Variants in ERBB4 observed in about 807,000 individuals in gnomAD.
The protein encoded by ERBB4 is erb-b2 receptor tyrosine kinase 4, also known as receptor tyrosine-protein kinase erbB-4.
A neutral mutation model predicts 158.0 loss-of-function variants in ERBB4; 42 were observed. The ratio of observed to expected loss-of-function variants is 0.27; its 90% CI spans 0.21 to 0.34. ERBB4 has a LOEUF of 0.34. Among genes scored for constraint, ERBB4 ranks in the 10% least tolerant of loss-of-function variants. ERBB4 has a pLI of 1.00. For synonymous variants in ERBB4, 583 were observed against 558.7 expected (o/e 1.04, Z -0.61); for missense variants, 1,333 against 1,624.1 (o/e 0.82, Z 3.08).
chr2:212,255,673 A>G (rs924727135), intron 1 of ERBB4, among the ~76,000 whole-genome samples: 9 of 152,130 alleles, frequency 5.9e-5, no homozygotes, highest in African/African-American at 2.2e-4. Context: ...AAGGTTTGAA[A>G]TCTGAAATGC....
At chr2:212,313,005 A>C (rs1451647352) in intron 1 of ERBB4, among the ~76,000 whole-genome samples, 1 of 150,938 alleles carries the variant, frequency 6.6e-6, no homozygotes, top group East Asian at 2.0e-4. Context: ...TTCAAAGTAC[A>C]GTGAATAATA....
intron 1 of ERBB4, among the ~76,000 whole-genome samples, chr2:212,478,303 G>A (rs950787482): frequency 2.0e-5 from 3 of 151,974 alleles, no homozygotes; most frequent in East Asian, 3.9e-4. Flanking sequence ...CATTTATAAC[G>A]GGGAGAATTC....
chr2:212,189,474 T>C (rs1320026953), intron 1 of ERBB4, among the ~76,000 whole-genome samples: 1 of 152,174 alleles, frequency 6.6e-6, no homozygotes, highest in Non-Finnish European at 1.5e-5. Context: ...CTCCAAAAAC[T>C]CTGATCCACC....
At chr2:212,184,572 G>A (rs538103246) in intron 1 of ERBB4, among the ~76,000 whole-genome samples, 15 of 151,992 alleles carry the variant, frequency 9.9e-5, no homozygotes, top group Non-Finnish European at 1.9e-4. Context: ...AGCACATTTT[G>A]GAGCATCTAG....
intron 1 of ERBB4, among the ~76,000 whole-genome samples, chr2:212,400,571 T>C (rs1290780477): frequency 6.6e-6 from 1 of 152,180 alleles, no homozygotes; most frequent in Non-Finnish European, 1.5e-5. Context: ...CAAAGACAAA[T>C]AGTTTAGATA....
intron 21 of ERBB4, among the ~76,000 whole-genome samples, chr2:211,429,283 A>T (rs2063701400): frequency 6.6e-6 from 1 of 152,016 alleles, no homozygotes; most frequent in African/African-American, 2.4e-5. Flanking sequence ...CTCTTTCTAT[A>T]CTTGCCCCCT....
chr2:212,234,063 G>A (rs2083763279), intron 1 of ERBB4, among the ~76,000 whole-genome samples: 1 of 151,618 alleles, frequency 6.6e-6, no homozygotes, highest in Admixed American at 6.6e-5. Flanking sequence ...GTATACACAT[G>A]CCATGGTTTG....
At chr2:211,942,987 T>C (rs2080547877) in intron 3 of ERBB4, among the ~76,000 whole-genome samples, 1 of 152,106 alleles carries the variant, frequency 6.6e-6, no homozygotes, top group Non-Finnish European at 1.5e-5. Flanking sequence ...AAAATAGATA[T>C]GAACTTAAGC....
At chr2:212,185,021 C>CTTTTTTTTTTTCTT (rs1553584050) in intron 1 of ERBB4, among the ~76,000 whole-genome samples, 4 of 132,542 alleles carry the variant, frequency 3.0e-5, no homozygotes, top group African/African-American at 8.5e-5. Context: ...ACTTTTTTTT[C>CTTTTTTTTTTTCTT]TTTTTTTTTT....
intron 4 of ERBB4, among the ~76,000 whole-genome samples, chr2:211,771,706 C>A (rs983267621): frequency 6.6e-6 from 1 of 151,992 alleles, no homozygotes; most frequent in Non-Finnish European, 1.5e-5. Flanking sequence ...TTCTTTCTTG[C>A]GAAGTGTGTG....
At chr2:211,387,904 C>T (rs377505344) in intron 26 of ERBB4, 41 bp downstream of exon 26, 114 of 1,505,912 alleles carry the variant, frequency 7.6e-5, no homozygotes, top group Admixed American at 1.3e-4. Context: ...AAGCAAAGAC[C>T]GAAAATCCTA....
chr2:211,543,166 A>G (rs912552333), intron 20 of ERBB4, among the ~76,000 whole-genome samples: 2 of 151,992 alleles, frequency 1.3e-5, no homozygotes, highest in African/African-American at 4.8e-5. Flanking sequence ...TTAAGTTTAT[A>G]AATTGTTTAT....
Position 212,059,179 on chromosome 2 carries a change from C to A in ERBB4, c.234+65573G>T, listed in dbSNP as rs543573433. Among the ~76,000 whole-genome samples the A allele has an allele frequency of 5.9e-5, 9 of 152,246 alleles. No homozygotes were observed. The South Asian group carries it at 1.0e-3, about 18-fold the overall frequency. ...ATCAGAGAGCCAAATCATGAGTGAACTCCCATTCACAATTGCTTCAAAGAG... is the reference window on the plus strand; with the variant it reads ...ATCAGAGAGCCAAATCATGAGTGAAATCCCATTCACAATTGCTTCAAAGAG... On this transcript the variant is annotated intron_variant, in intron 2 of 27. Coordinates refer to ENST00000342788, the MANE Select transcript of ERBB4 (RefSeq NM_005235.3).
chr2:212,021,818 TAAAC>T (rs1407885292), intron 2 of ERBB4, among the ~76,000 whole-genome samples: 2 of 150,760 alleles, frequency 1.3e-5, no homozygotes, highest in African/African-American at 4.9e-5. Flanking sequence ...CAAAATTTCT[TAAAC>T]AAATTTACAA....
intron 20 of ERBB4, among the ~76,000 whole-genome samples, chr2:211,528,329 AC>A (rs2066407649): frequency 6.6e-6 from 1 of 152,052 alleles, no homozygotes; most frequent in Non-Finnish European, 1.5e-5. Context: ...ATATATATGT[AC>A]TCAACATTGG....
chr2:212,228,724 T>C (rs1286249165), intron 1 of ERBB4, among the ~76,000 whole-genome samples: 4 of 152,180 alleles, frequency 2.6e-5, no homozygotes, highest in African/African-American at 4.8e-5. Context: ...GGAGAATAAG[T>C]GTGTGTCCGT....
intron 1 of ERBB4, among the ~76,000 whole-genome samples, chr2:212,205,617 T>C (rs1235713240): frequency 2.6e-5 from 4 of 152,312 alleles, no homozygotes; most frequent in African/African-American, 9.6e-5. Context: ...AATTGATGCC[T>C]ACAAACTGAC....
intron 1 of ERBB4, among the ~76,000 whole-genome samples, chr2:212,317,635 A>G (rs2106255199): frequency 6.6e-6 from 1 of 151,782 alleles, no homozygotes; most frequent in South Asian, 2.1e-4. Flanking sequence ...TCTTAGAATT[A>G]CAGAAGTTTC....
chr2:212,199,557 T>C (rs1243976240), intron 1 of ERBB4, among the ~76,000 whole-genome samples: 2 of 152,178 alleles, frequency 1.3e-5, no homozygotes, highest in Admixed American at 6.6e-5. Context: ...TAGAGGTCTT[T>C]CTTAAGCTAA....
Sources: allele counts gnomAD v4.1 joint callset (sites outside exome capture counted in the v4.1 genomes callset), GRCh38; gene constraint gnomAD v4.1.1; transcripts MANE v1.5; gene names NCBI Gene and HGNC (gene_info 2026-07-23, HGNC 2026-07-21).